Variants in FDFT1 observed in about 807,000 individuals in gnomAD.
The protein encoded by FDFT1 is squalene synthase.
A neutral mutation model predicts 46.8 loss-of-function variants in FDFT1; 68 were observed. That is an observed-to-expected ratio of 1.45 (90% CI 1.19 to 1.78). FDFT1 has a LOEUF of 1.78. Ranked by LOEUF, FDFT1 falls within the 40% of genes most tolerant of loss-of-function variation. The pLI, the probability that FDFT1 is intolerant of heterozygous loss-of-function variation, is 0.00. For missense variants in FDFT1, 928 were observed against 524.4 expected, an observed-to-expected ratio of 1.77 and a Z score of -7.52; for synonymous variants, 351 against 185.1, an observed-to-expected ratio of 1.90 and a Z score of -7.28.
At chr8:11,820,191 C>T (rs998080736) in intron 3 of FDFT1, among the ~76,000 whole-genome samples, 1 of 152,182 alleles carries the variant, frequency 6.6e-6, no homozygotes, top group East Asian at 1.9e-4. Flanking sequence ...CAGCAAATAT[C>T]GCGGCCTGAT....
chr8:11,829,576 T>A (rs972693698), intron 5 of FDFT1, among the ~76,000 whole-genome samples: 6 of 152,234 alleles, frequency 3.9e-5, no homozygotes, highest in African/African-American at 1.4e-4. Flanking sequence ...CAATTATAAC[T>A]GTTTTTGTAT....
At chr8:11,821,531 C>T (rs1463640994) in intron 3 of FDFT1, among the ~76,000 whole-genome samples, 1 of 152,200 alleles carries the variant, frequency 6.6e-6, no homozygotes, top group Non-Finnish European at 1.5e-5. Context: ...GCGGAGTTTG[C>T]AGTGAGCTGA....
At chr8:11,796,707 C>G (rs1199312352) in intron 1 of FDFT1, among the ~76,000 whole-genome samples, 1 of 152,282 alleles carries the variant, frequency 6.6e-6, no homozygotes, top group East Asian at 1.9e-4. Flanking sequence ...GTGGTTGATT[C>G]TGAGTTGCAA....
upstream of FDFT1, among the ~76,000 whole-genome samples, chr8:11,798,506 G>C (rs1805789760): frequency 6.6e-6 from 1 of 152,194 alleles, no homozygotes; most frequent in Admixed American, 6.5e-5. Context: ...TTGTTTTCTT[G>C]GACTCCACAG....
chr8:11,808,371 C>T (rs1195705743), intron 1 of FDFT1: 2 of 1,195,362 alleles, frequency 1.7e-6, no homozygotes, highest in East Asian at 3.3e-5. Context: ...AGGCCGGGGG[C>T]GGGGCTGCGG....
At chr8:11,802,008 G>A (rs1484042326), upstream of FDFT1, 1 of 452,244 alleles carries the variant, frequency 2.2e-6, no homozygotes, top group Non-Finnish European at 4.4e-6. Flanking sequence ...GTAGTTTCTA[G>A]GGCTGGAGAG....
chr8:11,805,270 G>T (rs982707732), intron 1 of FDFT1, among the ~76,000 whole-genome samples: 3 of 152,148 alleles, frequency 2.0e-5, no homozygotes, highest in South Asian at 2.1e-4. Context: ...ACTGAGGGCT[G>T]ATTATTTCTA....
chr8:11,836,648 C>G (rs890097475), intron 7 of FDFT1, among the ~76,000 whole-genome samples: 1 of 152,220 alleles, frequency 6.6e-6, no homozygotes, highest in Non-Finnish European at 1.5e-5. Flanking sequence ...AGGAGGAAGG[C>G]TAAGACAAGC....
chr8:11,830,082 G>A (rs901113057), intron 5 of FDFT1, among the ~76,000 whole-genome samples, 162 bp from the exon 6 acceptor site: 6 of 152,094 alleles, frequency 3.9e-5, no homozygotes, highest in Admixed American at 2.0e-4. Context: ...TCCTGACCTC[G>A]TGATCCACCC....
intron 7 of FDFT1, among the ~76,000 whole-genome samples, chr8:11,837,256 G>C (rs1293326): frequency 0.19 from 29,458 of 152,170 alleles, 3,261 homozygotes; most frequent in Middle Eastern, 0.27. Flanking sequence ...TTTGAGACAG[G>C]GTCTTGTTCT....
chr8:11,799,927 A>G (rs1232692943), upstream of FDFT1, among the ~76,000 whole-genome samples: 1 of 143,358 alleles, frequency 7.0e-6, no homozygotes, highest in South Asian at 2.3e-4. Flanking sequence ...GCCTCACGAC[A>G]GAGTGAGACT....
chr8:11,812,772 G>A (rs4841598), intron 3 of FDFT1, among the ~76,000 whole-genome samples: 5,532 of 152,240 alleles, frequency 0.036, 179 homozygotes, highest in Admixed American at 0.079. Flanking sequence ...CTTCCGCCTC[G>A]ATGTACAGTA....
chr8:11,828,372 G>A (rs906079204), intron 5 of FDFT1, among the ~76,000 whole-genome samples: 5 of 152,192 alleles, frequency 3.3e-5, no homozygotes, highest in Admixed American at 2.0e-4. Flanking sequence ...TAGGTGACTC[G>A]TGTGCAGCCA....
upstream of FDFT1, chr8:11,802,158 G>C (rs1806188444): frequency 2.2e-6 from 1 of 449,916 alleles, no homozygotes; most frequent in South Asian, 1.6e-5. Flanking sequence ...GGCTCCCTGG[G>C]GCTGGATGGC....
chr8:11,802,539 T>C, upstream of FDFT1: 1 of 564,316 alleles, frequency 1.8e-6, no homozygotes. Context: ...AATGAGCTTC[T>C]AGAGTGTTAT....
intron 6 of FDFT1, among the ~76,000 whole-genome samples, chr8:11,830,677 G>C (rs898702390): frequency 6.6e-6 from 1 of 152,156 alleles, no homozygotes; most frequent in Admixed American, 6.5e-5. Flanking sequence ...AAACTAGTTA[G>C]GTTCTTTTCC....
At chr8:11,821,602 C>CA (rs1218324946) in intron 3 of FDFT1, 148 bp from the exon 4 acceptor site, 2 of 944,394 alleles carry the variant, frequency 2.1e-6, no homozygotes, top group South Asian at 3.0e-5. Context: ...AAAACAAAAA[C>CA]AAAAACAAAA....
chr8:11,837,701 G>A (rs1811732728), intron 7 of FDFT1, among the ~76,000 whole-genome samples: 2 of 152,122 alleles, frequency 1.3e-5, no homozygotes, highest in South Asian at 4.1e-4. Flanking sequence ...AGAGGTTTGA[G>A]ATCTCCTTGG....
chr8:11,806,794 A>C (rs913892688), intron 1 of FDFT1, among the ~76,000 whole-genome samples: 5 of 152,180 alleles, frequency 3.3e-5, no homozygotes, highest in African/African-American at 1.2e-4. Flanking sequence ...TTTGAGAAGG[A>C]AGGAGTTGGT....
Sources: allele counts gnomAD v4.1 joint callset (sites outside exome capture counted in the v4.1 genomes callset), GRCh38; gene constraint gnomAD v4.1.1; transcripts MANE v1.5; gene names NCBI Gene and HGNC (gene_info 2026-07-23, HGNC 2026-07-21).